Variants in POU2F2 observed in about 807,000 individuals in gnomAD.
The protein encoded by POU2F2 is POU class 2 homeobox 2.
In POU2F2, 14 loss-of-function variants were observed where a neutral mutation model predicts 63.5. That is an observed-to-expected ratio of 0.22 (90% CI 0.15 to 0.34). The LOEUF is 0.34. Ranked by LOEUF, POU2F2 falls within the 10% of genes least tolerant of loss-of-function variation. POU2F2 has a pLI of 1.00. For missense variants in POU2F2, 607 were observed against 815.2 expected (o/e 0.74, Z 3.11); for synonymous variants, 306 against 348.6 (o/e 0.88, Z 1.36).
At chr19:42,158,917 C>T (rs930651760) in intron 2 of POU2F2, among the ~76,000 whole-genome samples, 2 of 152,106 alleles carry the variant, frequency 1.3e-5, no homozygotes, top group Admixed American at 6.6e-5. Flanking sequence ...ACTGCAACTT[C>T]GGTTCCCTGG....
chr19:42,121,972 G>C (rs1006211685), intron 4 of POU2F2, 154 bp downstream of exon 4: 1 of 778,512 alleles, frequency 1.3e-6, no homozygotes, highest in Non-Finnish European at 2.1e-6. Context: ...TCACAGGCCT[G>C]GGGTGGGAGC....
At chr19:42,151,834 C>T (rs73932875) in intron 2 of POU2F2, among the ~76,000 whole-genome samples, 2,214 of 152,228 alleles carry the variant, frequency 0.015, 50 homozygotes, top group African/African-American at 0.048. Flanking sequence ...TGAGGCTAAG[C>T]GTTCTCCTCT....
At chr19:42,109,856 T>A (rs765138170) in intron 5 of POU2F2, among the ~76,000 whole-genome samples, 4 of 152,208 alleles carry the variant, frequency 2.6e-5, no homozygotes, top group Non-Finnish European at 5.9e-5. Context: ...TTTGAGGTGA[T>A]AAGTATGCTA....
intron 2 of POU2F2, among the ~76,000 whole-genome samples, chr19:42,145,173 A>G (rs1194671048): frequency 6.6e-6 from 1 of 152,262 alleles, no homozygotes; most frequent in Non-Finnish European, 1.5e-5. Flanking sequence ...AAATGACCTT[A>G]TAAATATCAG....
At position 42,091,328 on chromosome 19, in the gene POU2F2, T is replaced by TGGA. The variant is rs762872121; in HGVS notation, c.1801_1803dup (p.Ser601dup). 2.0e-6 allele frequency: 3 copies of TGGA among 1,533,690 alleles called. No homozygotes were observed. The highest frequency in any genetic ancestry group is 2.0e-5 in the Admixed American group (1 of 50,866). On this transcript the variant is annotated inframe_insertion, in exon 15 of 15. Coordinates refer to ENST00000692977, the MANE Select transcript of POU2F2 (RefSeq NM_001394376.1). ...GTCTGTGCTGCCGTCTCGCTGCAAG[T>TGGA]GGAGGAGGAGGAGGATGAGGATGAA...
At chr19:42,173,245 T>C (rs534306043) in intron 1 of POU2F2, among the ~76,000 whole-genome samples, 2 of 152,284 alleles carry the variant, frequency 1.3e-5, no homozygotes, top group Admixed American at 6.5e-5. Context: ...ACCATCTCCA[T>C]CCTGAAATAT....
intron 2 of POU2F2, among the ~76,000 whole-genome samples, chr19:42,141,684 T>C (rs1229621892): frequency 6.6e-6 from 1 of 152,026 alleles, no homozygotes; most frequent in Non-Finnish European, 1.5e-5. Flanking sequence ...TTCTCCATGT[T>C]GGTCAGGCTG....
intron 4 of POU2F2, among the ~76,000 whole-genome samples, chr19:42,119,638 C>T (rs1169121434): frequency 6.6e-6 from 1 of 152,202 alleles, no homozygotes; most frequent in Admixed American, 6.5e-5. Context: ...TGCCATCGCA[C>T]TCCAGCCTGG....
In POU2F2 at chr19:42,164,595, G is replaced by A. The variant is rs561012395; in HGVS notation, c.-69-4203C>T. On this transcript the variant is annotated intron_variant, in intron 1 of 6. Transcript: ENST00000524801. ...CAAAAAAAAAAAAAATCTGAGTTTG[G>A]GTCCCAGGTATCTAAATTTTAATAA... Among the ~76,000 whole-genome samples, 11 of 151,750 alleles carry A rather than the reference G, an allele frequency of 7.2e-5. No homozygotes were observed. The East Asian group carries it at 2.1e-3, about 29-fold the overall frequency.
intron 1 of POU2F2, among the ~76,000 whole-genome samples, chr19:42,186,758 C>T (rs958596005): frequency 2.0e-5 from 3 of 152,126 alleles, no homozygotes; most frequent in Non-Finnish European, 4.4e-5. Flanking sequence ...TAACTCAAGT[C>T]AGCAGGGCTT....
intron 1 of POU2F2, among the ~76,000 whole-genome samples, chr19:42,161,761 A>T (rs1436758895): frequency 3.9e-5 from 6 of 152,128 alleles, no homozygotes; most frequent in Non-Finnish European, 7.4e-5. Context: ...CTTCAGGGGC[A>T]GAAGGGGACC....
At chr19:42,147,063 T>C (rs903218675) in intron 2 of POU2F2, among the ~76,000 whole-genome samples, 37 of 152,310 alleles carry the variant, frequency 2.4e-4, no homozygotes, top group African/African-American at 8.9e-4. Context: ...AAAGGGGGTC[T>C]TTCTAAAACG....
chr19:42,189,722 C>T (rs1568429030), intron 1 of POU2F2, among the ~76,000 whole-genome samples: 4 of 151,834 alleles, frequency 2.6e-5, no homozygotes, highest in Admixed American at 1.3e-4. Flanking sequence ...TTTTTGAGTG[C>T]GGCGGGGGGA....
intron 5 of POU2F2, chr19:42,110,783 A>G (rs746706638): frequency 2.5e-4 from 113 of 455,010 alleles, no homozygotes; most frequent in Non-Finnish European, 4.2e-4. Context: ...ATGAGACAAT[A>G]TGTGTAGAAT....
chr19:42,137,984 G>A (rs2034051909), intron 2 of POU2F2, among the ~76,000 whole-genome samples: 1 of 152,182 alleles, frequency 6.6e-6, no homozygotes, highest in South Asian at 2.1e-4. Flanking sequence ...GGTGTGAGGT[G>A]GAGAGGCGGC....
At chr19:42,116,822 A>G in intron 5 of POU2F2, 1 of 383,910 alleles carries the variant, frequency 2.6e-6, no homozygotes, top group Non-Finnish European at 5.2e-6. Context: ...GGGGGCTGTG[A>G]GGTCGAGGAG....
chr19:42,123,503 C>T lies in POU2F2; in HGVS notation c.29-927G>A, dbSNP rs76318120. 4.3e-4 allele frequency among the ~76,000 whole-genome samples: 65 copies of T among 152,278 alleles called. 1 individual carries two copies. In the East Asian group the frequency reaches 0.01, roughly 23 times the overall value. Reference sequence around the variant, plus strand: ...ATAGAGCTAGATATGACTCACAGCTCACATTAGCGGTTAGTGCTAATATTA... The same window carrying T: ...ATAGAGCTAGATATGACTCACAGCTTACATTAGCGGTTAGTGCTAATATTA... On this transcript the variant is annotated intron_variant, in intron 1 of 14. Coordinates refer to ENST00000692977, the MANE Select transcript of POU2F2 (RefSeq NM_001394376.1).
chr19:42,164,739 A>G (rs2034617164), intron 1 of POU2F2, among the ~76,000 whole-genome samples: 1 of 152,000 alleles, frequency 6.6e-6, no homozygotes, highest in Admixed American at 6.6e-5. Context: ...AGGTGGGCGG[A>G]TCCCTTGAGC....
Position 42,095,157 on chromosome 19 carries a change from T to C in POU2F2, c.1197+129A>G. On this transcript the variant is annotated intron_variant, in intron 11 of 14. Transcript: ENST00000692977. The surrounding 1 kb of genome is among the most constrained non-coding windows in gnomAD (Gnocchi z 7.1). ...TGTGTAACTGTGCCCATCTACGTGATGGCCTGTCTCCAAGAGTGACTCTTC... is the reference window on the plus strand; with the variant it reads ...TGTGTAACTGTGCCCATCTACGTGACGGCCTGTCTCCAAGAGTGACTCTTC... 8.3e-7 allele frequency: 1 copy of C among 1,203,740 alleles called. No homozygotes were observed. Among genetic ancestry groups the C allele is most frequent in the South Asian group, 1.6e-5 (1 of 62,992 alleles). The allele number at this position is 1,203,740 out of a possible 1,614,324, so 74.6% of individuals were successfully genotyped here.
Sources: gnomAD v4.1 joint callset for allele counts (sites outside exome capture counted in the v4.1 genomes callset) on GRCh38, gnomAD v4.1.1 for gene constraint, Gnocchi (gnomAD v3.1) non-coding constraint, MANE v1.5 for transcripts, NCBI Gene and HGNC (gene_info 2026-07-23, HGNC 2026-07-21) for gene names.